GINS3: variants seen among roughly 807,000 people sequenced by gnomAD.
GINS3 encodes GINS complex subunit 3, also known as DNA replication complex GINS protein PSF3.
GINS3 carries 18 observed loss-of-function variants against 20.0 expected under a neutral mutation model. The observed-to-expected ratio is 0.90, with a 90% CI of 0.62 to 1.33. GINS3 has a LOEUF of 1.33. Among genes scored for constraint, GINS3 ranks in the 40% most tolerant of loss-of-function variants. The probability of loss-of-function intolerance (pLI) is 0.00; values close to 1 mark genes in which losing one functional copy is unlikely to be tolerated. For synonymous variants in GINS3, 109 were observed against 107.0 expected (o/e 1.02, Z -0.12); for missense variants, 254 against 273.6 (o/e 0.93, Z 0.51).
At chr16:58,395,239 C>A (rs983112882) in intron 1 of GINS3, 101 of 384,088 alleles carry the variant, frequency 2.6e-4, no homozygotes, top group Non-Finnish European at 4.3e-4. Context: ...CCATGTCCAG[C>A]TAATTTTTGT....
At chr16:58,392,843 C>T in intron 1 of GINS3, 56 bp downstream of exon 1, 2 of 1,504,134 alleles carry the variant, frequency 1.3e-6, no homozygotes, top group Non-Finnish European at 1.8e-6. Flanking sequence ...CGGCGGGCCC[C>T]TCGGCCCTGG....
intron 1 of GINS3, among the ~76,000 whole-genome samples, chr16:58,396,269 T>C (rs1191929795): frequency 3.4e-3 from 164 of 47,702 alleles, no homozygotes; most frequent in Admixed American, 4.0e-3. Context: ...GGGGGCTGAC[T>C]CCCCCACCTC....
intron 1 of GINS3, chr16:58,402,813 T>G (rs919862908): frequency 2.1e-6 from 1 of 477,564 alleles, no homozygotes; most frequent in Non-Finnish European, 3.8e-6. Flanking sequence ...GTGTCTACAA[T>G]TGGACAATTT....
At chr16:58,397,408 A>G (rs58204808) in intron 1 of GINS3, among the ~76,000 whole-genome samples, 5,737 of 113,262 alleles carry the variant, frequency 0.051, 285 homozygotes, top group African/African-American at 0.12. Flanking sequence ...ACGGGGTGGC[A>G]GCCGGGCAGA....
In GINS3 at chr16:58,395,066, A is replaced by G. The variant is rs1242088883; in HGVS notation, c.186+2279A>G. The G allele has an allele frequency of 1.1e-5, 6 of 532,796 alleles. No homozygotes were observed. The African/African-American group carries it at 1.3e-4, about 11-fold the overall frequency. 33.0% of individuals were successfully genotyped at this position (532,796 alleles called of 1,614,324 possible). Reference sequence around the variant, plus strand: ...TTGGTTTTTAACTAAAACTTTGACCATTTTATCTAATTTTTTTTTTTTTTT... The same window carrying G: ...TTGGTTTTTAACTAAAACTTTGACCGTTTTATCTAATTTTTTTTTTTTTTT... On this transcript the variant is annotated intron_variant, in intron 1 of 2. Coordinates refer to ENST00000318129, the MANE Select transcript of GINS3 (RefSeq NM_022770.4).
intron 1 of GINS3, among the ~76,000 whole-genome samples, chr16:58,394,734 A>G (rs544152522): frequency 2.6e-5 from 4 of 152,274 alleles, no homozygotes; most frequent in Admixed American, 1.3e-4. Flanking sequence ...GTAAAGTGCC[A>G]TTTTCATCAC....
At position 58,392,723 on chromosome 16, in the gene GINS3, C is replaced by T. The variant is rs777044261; in HGVS notation, c.122C>T (p.Pro41Leu). ...KLPVRTETAM[P>L]RLGAFFLERS... is the part of the protein sequence containing the mutation. Reference sequence around the variant, plus strand: ...CCGGTGCGCACGGAGACCGCCATGCCTCGCCTTGGCGCTTTCTTCCTGGAG... The same window carrying T: ...CCGGTGCGCACGGAGACCGCCATGCTTCGCCTTGGCGCTTTCTTCCTGGAG... Residue 41 changes from proline (P) to leucine (L), a missense_variant, in exon 1 of 3, where the codon CCT becomes CTT. Coordinates refer to ENST00000318129, the MANE Select transcript of GINS3 (RefSeq NM_022770.4). 3 of 1,614,166 alleles carry T rather than the reference C, an allele frequency of 1.9e-6. No homozygotes were observed. Among genetic ancestry groups the T allele is most frequent in the Non-Finnish European group, 2.5e-6 (3 of 1,180,046 alleles).
intron 1 of GINS3, 99 bp from the exon 2 acceptor site, chr16:58,402,999 A>G (rs1965977014): frequency 1.1e-6 from 1 of 925,360 alleles, no homozygotes; most frequent in Non-Finnish European, 1.7e-6. Context: ...CCCAAAGAGA[A>G]AAGGCAGTAT....
Position 58,405,334 on chromosome 16 carries a change from G to C in GINS3, c.*605G>C, listed in dbSNP as rs1441125548. 2 of 153,562 alleles carry C rather than the reference G, an allele frequency of 1.3e-5. No homozygotes were observed. Among genetic ancestry groups the C allele is most frequent in the African/African-American group, 4.8e-5 (2 of 41,460 alleles). The allele number at this position is 153,562 out of a possible 1,614,324, so 9.5% of individuals were successfully genotyped here. Reference sequence around the variant, plus strand: ...ATGGCATGGCTTTTACTAAAGAAAAGATGTTGGCCTCATACTCTATACTCA... The same window carrying C: ...ATGGCATGGCTTTTACTAAAGAAAACATGTTGGCCTCATACTCTATACTCA... On this transcript the variant is annotated 3_prime_UTR_variant, in exon 3 of 3. Coordinates refer to ENST00000318129, the MANE Select transcript of GINS3 (RefSeq NM_022770.4).
intron 2 of GINS3, chr16:58,404,244 AGG>A (rs1256155951): frequency 2.1e-6 from 1 of 467,148 alleles, no homozygotes; most frequent in Admixed American, 3.8e-5. Flanking sequence ...GCCATTTGCT[AGG>A]TGCATTACAT....
In GINS3 at chr16:58,404,524, T is replaced by C. The variant is rs1966001296; in HGVS notation, c.446T>C (p.Ile149Thr). 1 of 1,614,062 alleles carries C rather than the reference T, an allele frequency of 6.2e-7. No individual in the cohort carries two copies. The highest frequency in any genetic ancestry group is 8.5e-7 in the Non-Finnish European group (1 of 1,180,016). Residue 149 changes from isoleucine (I) to threonine (T), a missense_variant, in exon 3 of 3, where the codon ATC becomes ACC. Transcript: ENST00000318129. ...LQTFIGRFRR[I>T]MDSSQNAYNE... Reference sequence around the variant, plus strand: ...ACTTTTATCGGACGTTTTCGCCGCATCATGGACTCCTCACAGAATGCTTAC... The same window carrying C: ...ACTTTTATCGGACGTTTTCGCCGCACCATGGACTCCTCACAGAATGCTTAC...
intron 1 of GINS3, among the ~76,000 whole-genome samples, chr16:58,399,426 A>G (rs541188139): frequency 5.9e-5 from 9 of 152,128 alleles, no homozygotes; most frequent in Non-Finnish European, 1.3e-4. Flanking sequence ...TATTATTGTC[A>G]CGTCTCCCTT....
At chr16:58,395,328 T>C (rs1384393375) in intron 1 of GINS3, 4 of 198,962 alleles carry the variant, frequency 2.0e-5, no homozygotes, top group Non-Finnish European at 3.8e-5. Context: ...TTTGTATATA[T>C]ATATATATAT....
intron 1 of GINS3, among the ~76,000 whole-genome samples, chr16:58,400,368 C>T (rs1388467834): frequency 6.6e-6 from 1 of 152,168 alleles, no homozygotes; most frequent in Non-Finnish European, 1.5e-5. Flanking sequence ...AATACTGTCT[C>T]CTAGGGAAGC....
At position 58,404,766 on chromosome 16, in the gene GINS3, ATC is replaced by A; in HGVS notation, c.*38_*39del. The A allele has an allele frequency of 6.9e-7, 1 of 1,454,908 alleles. No individual in the cohort carries two copies. Among genetic ancestry groups the A allele is most frequent in the Non-Finnish European group, 9.6e-7 (1 of 1,044,184 alleles). The allele number at this position is 1,454,908 out of a possible 1,614,324, so 90.1% of individuals were successfully genotyped here. ...ACACAGAATGGCTCCTCACAGACGT[ATC>A]CCTCCGTGTGTCCTTGATAGGAGCT... On this transcript the variant is annotated 3_prime_UTR_variant, in exon 3 of 3. Transcript: ENST00000318129.
Position 58,392,779 on chromosome 16 carries a change from G to C in GINS3, c.178G>C (p.Val60Leu), listed in dbSNP as rs958894731. 6.2e-7 allele frequency: 1 copy of C among 1,605,206 alleles called. No homozygotes were observed. The highest frequency in any genetic ancestry group is 1.3e-5 in the African/African-American group (1 of 74,850). Residue 60 changes from valine to leucine, a missense_variant, in exon 1 of 3, where the codon GTC (valine) becomes CTC (leucine). Transcript: ENST00000318129. ...CGCAGGCGCCGAGACTGACAACGCG[G>C]TCCCACAGGTGAGCCTTTGGGTGCG... Reference protein sequence around the residue: ...RSAGAETDNAVPQGSKLELPL... With the variant: ...RSAGAETDNALPQGSKLELPL...
At chr16:58,404,301 T>G in intron 2 of GINS3, 198 bp from the exon 3 acceptor site, 1 of 585,952 alleles carries the variant, frequency 1.7e-6, no homozygotes, top group Non-Finnish European at 3.1e-6. Context: ...TTCATAACAA[T>G]CCACTTCACA....
intron 1 of GINS3, among the ~76,000 whole-genome samples, chr16:58,396,035 C>T (rs1435902827): frequency 2.0e-5 from 3 of 147,370 alleles, no homozygotes; most frequent in Non-Finnish European, 4.5e-5. Flanking sequence ...GTAGGGGCGG[C>T]CGGGCAGAGG....
Position 58,392,655 on chromosome 16 carries a change from C to T in GINS3, c.54C>T (p.Asn18=), listed in dbSNP as rs1325889444. 2.5e-6 allele frequency: 4 copies of T among 1,614,118 alleles called. No homozygotes were observed. The highest frequency in any genetic ancestry group is 2.5e-6 in the Non-Finnish European group (3 of 1,179,944). ...CGGGTGCGCTGGGGCCTGAGGAGAA[C>T]TTTCTTTCTTTGGACGACATCCTGA... The part of the protein sequence containing the change: ...VESGALGPEE[N]FLSLDDILMS... Residue 18 remains asparagine (N), a synonymous_variant, in exon 1 of 3, where the codon AAC becomes AAT. Transcript: ENST00000318129.
Sources: gnomAD v4.1 joint callset for allele counts (sites outside exome capture counted in the v4.1 genomes callset) on GRCh38, gnomAD v4.1.1 for gene constraint, MANE v1.5 for transcripts, NCBI Gene and HGNC (gene_info 2026-07-23, HGNC 2026-07-21) for gene names.